Variants in CNTN4 observed in about 807,000 individuals in gnomAD.
CNTN4 encodes contactin 4.
A neutral mutation model predicts 122.5 loss-of-function variants in CNTN4; 77 were observed. The ratio of observed to expected loss-of-function variants is 0.63; its 90% CI spans 0.52 to 0.76. The LOEUF is 0.76. Among genes scored for constraint, CNTN4 ranks in the 30% least tolerant of loss-of-function variants. The pLI is 0.00. For missense variants in CNTN4, 1,256 were observed against 1,259.1 expected (o/e 1.00, Z 0.04); for synonymous variants, 512 against 447.0 (o/e 1.15, Z -1.83).
intron 17 of CNTN4, among the ~76,000 whole-genome samples, chr3:3,035,555 C>A (rs571483749): frequency 1.1e-3 from 168 of 152,214 alleles, no homozygotes; most frequent in African/African-American, 3.9e-3. Flanking sequence ...GGAGCCTCTT[C>A]ACTTGCTGCT....
chr3:2,745,999 T>C (rs1477651679), intron 6 of CNTN4, among the ~76,000 whole-genome samples: 1 of 103,268 alleles, frequency 9.7e-6, no homozygotes, highest in Non-Finnish European at 2.1e-5. Flanking sequence ...TGTATAAATT[T>C]ATGTAAACAA....
intron 3 of CNTN4, among the ~76,000 whole-genome samples, chr3:2,429,064 A>T (rs1409567991): frequency 6.6e-6 from 1 of 152,136 alleles, no homozygotes; most frequent in Non-Finnish European, 1.5e-5. Flanking sequence ...GATCGTCTGA[A>T]GCCTTCTTCT....
intron 2 of CNTN4, among the ~76,000 whole-genome samples, chr3:2,232,215 C>T (rs1253349178): frequency 1.3e-5 from 2 of 152,052 alleles, no homozygotes; most frequent in East Asian, 3.8e-4. Context: ...GTCAATGCCT[C>T]ATTTAAATGT....
At chr3:2,978,334 A>C (rs1208258041) in intron 13 of CNTN4, among the ~76,000 whole-genome samples, 1 of 152,204 alleles carries the variant, frequency 6.6e-6, no homozygotes, top group Non-Finnish European at 1.5e-5. Context: ...GTACTCAGGC[A>C]CATGCTGCTA....
intron 3 of CNTN4, among the ~76,000 whole-genome samples, chr3:2,535,698 C>T (rs756927740): frequency 3.5e-4 from 53 of 152,208 alleles, no homozygotes; most frequent in Admixed American, 1.4e-3. Flanking sequence ...TAAAAAGCAT[C>T]TCTGTTGGAT....
At chr3:2,353,695 C>G (rs2044741784) in intron 3 of CNTN4, among the ~76,000 whole-genome samples, 1 of 152,110 alleles carries the variant, frequency 6.6e-6, no homozygotes, top group African/African-American at 2.4e-5. Flanking sequence ...GTCAGCGAGA[C>G]CAAGAACCCA....
At chr3:2,398,001 A>T (rs1029719108) in intron 3 of CNTN4, among the ~76,000 whole-genome samples, 2 of 152,140 alleles carry the variant, frequency 1.3e-5, no homozygotes, top group East Asian at 3.9e-4. Flanking sequence ...TGAGTGATAA[A>T]AGTACCTTGA....
At chr3:2,463,118 A>G (rs953558956) in intron 3 of CNTN4, among the ~76,000 whole-genome samples, 5 of 152,210 alleles carry the variant, frequency 3.3e-5, no homozygotes, top group African/African-American at 9.6e-5. Context: ...GATGATGACT[A>G]AAAGTGTCTT....
intron 2 of CNTN4, among the ~76,000 whole-genome samples, chr3:2,152,806 G>C (rs1242084066): frequency 1.3e-5 from 2 of 152,194 alleles, no homozygotes; most frequent in African/African-American, 4.8e-5. Flanking sequence ...ACAAAAGCAG[G>C]GTACGGAAAT....
At chr3:2,761,626 C>T (rs1309465469) in intron 6 of CNTN4, among the ~76,000 whole-genome samples, 1 of 152,248 alleles carries the variant, frequency 6.6e-6, no homozygotes, top group East Asian at 1.9e-4. Flanking sequence ...CACTGGTCCA[C>T]ATACACCCTG....
At chr3:2,568,118 A>G (rs1270029765) in intron 3 of CNTN4, among the ~76,000 whole-genome samples, 1 of 152,076 alleles carries the variant, frequency 6.6e-6, no homozygotes, top group East Asian at 1.9e-4. Context: ...GATACCAGCA[A>G]CATTTTAATT....
At chr3:2,375,167 T>C (rs2045770903) in intron 3 of CNTN4, among the ~76,000 whole-genome samples, 1 of 152,232 alleles carries the variant, frequency 6.6e-6, no homozygotes, top group Admixed American at 6.5e-5. Context: ...TCTCTAAATA[T>C]ATGGCATGTC....
chr3:2,409,655 AT>A (rs1023531165), intron 3 of CNTN4, among the ~76,000 whole-genome samples: 2 of 151,986 alleles, frequency 1.3e-5, no homozygotes, highest in African/African-American at 2.4e-5. Flanking sequence ...TGTGGTTAAT[AT>A]TTTTTTCTGA....
At chr3:2,277,188 G>C (rs961930874) in intron 2 of CNTN4, among the ~76,000 whole-genome samples, 4 of 152,150 alleles carry the variant, frequency 2.6e-5, no homozygotes, top group Non-Finnish European at 5.9e-5. Context: ...TTAGCATCCT[G>C]AGTCATTTGA....
intron 11 of CNTN4, among the ~76,000 whole-genome samples, chr3:2,901,455 G>A (rs890786170): frequency 5.3e-5 from 8 of 152,100 alleles, no homozygotes; most frequent in African/African-American, 1.9e-4. Flanking sequence ...GGAAGAGAAA[G>A]GGGACTGTTT....
intron 2 of CNTN4, among the ~76,000 whole-genome samples, chr3:2,321,480 T>C (rs1335796661): frequency 2.6e-5 from 4 of 152,152 alleles, no homozygotes; most frequent in Non-Finnish European, 4.4e-5. Context: ...CTGTAGCTGT[T>C]TAAATGAGAA....
intron 3 of CNTN4, among the ~76,000 whole-genome samples, chr3:2,492,472 T>C (rs191524405): frequency 6.6e-6 from 1 of 152,294 alleles, no homozygotes; most frequent in Non-Finnish European, 1.5e-5. Context: ...CATTCTCTCA[T>C]TGACAGAACG....
intron 2 of CNTN4, among the ~76,000 whole-genome samples, chr3:2,204,484 G>T (rs1485890320): frequency 6.6e-6 from 1 of 152,120 alleles, no homozygotes. Context: ...TTGCACTTTT[G>T]TGTATCTCTA....
At chr3:2,498,061 T>C (rs2076499707) in intron 3 of CNTN4, among the ~76,000 whole-genome samples, 1 of 152,204 alleles carries the variant, frequency 6.6e-6, no homozygotes, top group African/African-American at 2.4e-5. Flanking sequence ...TAAAAAGTTG[T>C]TTATATCATG....
Sources: gnomAD v4.1 joint callset for allele counts (sites outside exome capture counted in the v4.1 genomes callset) on GRCh38, gnomAD v4.1.1 for gene constraint, MANE v1.5 for transcripts, NCBI Gene and HGNC (gene_info 2026-07-23, HGNC 2026-07-21) for gene names.